Variants in TBK1 observed in about 807,000 individuals in gnomAD.
TBK1 encodes the protein serine/threonine-protein kinase TBK1.
A neutral mutation model predicts 99.9 loss-of-function variants in TBK1; 37 were observed. That is an observed-to-expected ratio of 0.37 (90% CI 0.28 to 0.49). The LOEUF (loss-of-function observed/expected upper bound fraction) is 0.49. Among genes scored for constraint, TBK1 ranks in the 20% least tolerant of loss-of-function variants. The pLI is 0.98. For missense variants in TBK1, 644 were observed against 872.5 expected, an observed-to-expected ratio of 0.74 and a Z score of 3.30; for synonymous variants, 258 against 279.8, an observed-to-expected ratio of 0.92 and a Z score of 0.78.
chr12:64,478,938 C>A (rs1211351684), intron 6 of TBK1, among the ~76,000 whole-genome samples: 1 of 152,198 alleles, frequency 6.6e-6, no homozygotes, highest in Non-Finnish European at 1.5e-5. Flanking sequence ...ACATGTGACT[C>A]ATAAGCAGCT....
At chr12:64,491,491 T>C (rs1331843641) in intron 13 of TBK1, among the ~76,000 whole-genome samples, 3 of 151,818 alleles carry the variant, frequency 2.0e-5, no homozygotes, top group Non-Finnish European at 4.4e-5. Flanking sequence ...GGCATGGTGG[T>C]GCATGCCTGT....
At chr12:64,456,203 A>T (rs1362075164) in intron 2 of TBK1, among the ~76,000 whole-genome samples, 2 of 152,176 alleles carry the variant, frequency 1.3e-5, no homozygotes, top group Admixed American at 6.5e-5. Flanking sequence ...ACTGGGAAAG[A>T]TTAGTGTTGT....
At chr12:64,483,633 G>A (rs1330935594) in intron 8 of TBK1, among the ~76,000 whole-genome samples, 1 of 152,182 alleles carries the variant, frequency 6.6e-6, no homozygotes, top group Non-Finnish European at 1.5e-5. Flanking sequence ...GTTAGTGGAA[G>A]AGCTGAGATT....
At chr12:64,482,351 C>A (rs2040776138) in intron 8 of TBK1, among the ~76,000 whole-genome samples, 1 of 152,170 alleles carries the variant, frequency 6.6e-6, no homozygotes, top group Admixed American at 6.6e-5. Context: ...GCTAAGTGTA[C>A]TATCCTGCCA....
Position 64,483,010 on chromosome 12 carries a change from G to T in TBK1, c.992+989G>T, listed in dbSNP as rs745967605. 2.2e-4 allele frequency among the ~76,000 whole-genome samples: 34 copies of T among 152,200 alleles called. 1 individual carries two copies. The highest frequency in any genetic ancestry group is 4.3e-4 in the Non-Finnish European group (29 of 68,028). On this transcript the variant is annotated intron_variant, in intron 8 of 20. Transcript: ENST00000331710. ...CCACCATTGGGGGAAGCTGGGAGAAGAATATATGGTGTCTCTCTTCATCAT... is the reference window on the plus strand; with the variant it reads ...CCACCATTGGGGGAAGCTGGGAGAATAATATATGGTGTCTCTCTTCATCAT...
chr12:64,493,390 G>T (rs1043350648), intron 13 of TBK1, among the ~76,000 whole-genome samples: 14 of 151,492 alleles, frequency 9.2e-5, no homozygotes, highest in African/African-American at 3.2e-4. Context: ...ACTTTGGGAG[G>T]CTGAGGTAGG....
intron 13 of TBK1, among the ~76,000 whole-genome samples, chr12:64,494,558 G>T (rs545772828): frequency 2.6e-5 from 4 of 151,766 alleles, no homozygotes; most frequent in South Asian, 2.1e-4. Flanking sequence ...TGTGATAAAG[G>T]GTTTTTTATA....
chr12:64,488,343 A>G, intron 11 of TBK1, 144 bp from the exon 12 acceptor site: 1 of 501,448 alleles, frequency 2.0e-6, no homozygotes, highest in South Asian at 3.0e-5. Flanking sequence ...GCTTATTATA[A>G]TAATGTTTCA....
chr12:64,481,803 T>C (rs1423950247), intron 7 of TBK1, 39 bp from the exon 8 acceptor site: 9 of 1,404,742 alleles, frequency 6.4e-6, no homozygotes, highest in Non-Finnish European at 7.6e-6. Flanking sequence ...CAGAATATGA[T>C]ATATTCACTC....
chr12:64,500,507 A>AT (rs1161585298), intron 20 of TBK1, among the ~76,000 whole-genome samples: 1 of 152,040 alleles, frequency 6.6e-6, no homozygotes, highest in Non-Finnish European at 1.5e-5. Flanking sequence ...TGTCATGGGT[A>AT]TTACAGCCAA....
chr12:64,478,351 C>T (rs576490065), intron 6 of TBK1, among the ~76,000 whole-genome samples: 1 of 152,162 alleles, frequency 6.6e-6, no homozygotes, highest in South Asian at 2.1e-4. Flanking sequence ...GGTTTCACCA[C>T]GTTGCCCAGG....
rs1592358808 is a variant in TBK1 at position 64,468,217 on chromosome 12, A to C, written c.540+1135A>C. Among the ~76,000 whole-genome samples, 6 of 152,150 alleles carry C rather than the reference A, an allele frequency of 3.9e-5. 2 individuals are homozygous for C. Among genetic ancestry groups the C allele is most frequent in the Admixed American group, 3.9e-4 (6 of 15,282 alleles). Reference sequence around the variant, plus strand: ...TTTTTTAAAAAAAGGTACCTGGCCCAGGCATGGTGGCTCATGCCTGTAATC... The same window carrying C: ...TTTTTTAAAAAAAGGTACCTGGCCCCGGCATGGTGGCTCATGCCTGTAATC... On this transcript the variant is annotated intron_variant, in intron 5 of 20. Coordinates refer to ENST00000331710, the MANE Select transcript of TBK1 (RefSeq NM_013254.4).
intron 5 of TBK1, among the ~76,000 whole-genome samples, chr12:64,472,648 G>A (rs1269970620): frequency 3.4e-5 from 1 of 29,850 alleles, no homozygotes; most frequent in African/African-American, 6.9e-5. Flanking sequence ...TCTGTTCTCA[G>A]TGACTATGGT....
intron 5 of TBK1, among the ~76,000 whole-genome samples, chr12:64,470,705 T>TA (rs796424225): frequency 2.6e-5 from 4 of 152,354 alleles, no homozygotes; most frequent in African/African-American, 9.6e-5. Context: ...AACTGTCACA[T>TA]ACACTGCAGT....
chr12:64,459,878 T>C lies in TBK1; in HGVS notation c.88-311T>C, dbSNP rs534416196. 2.0e-5 allele frequency among the ~76,000 whole-genome samples: 3 copies of C among 152,342 alleles called. No individual in the cohort carries two copies. The East Asian group carries it at 5.8e-4, about 29-fold the overall frequency. ...AAAGATGATTTTGCTTTTGATACTA[T>C]TATGGCTTTTATCTTCTGATGTGTG... On this transcript the variant is annotated intron_variant, in intron 2 of 20. Coordinates refer to ENST00000331710, the MANE Select transcript of TBK1 (RefSeq NM_013254.4).
Position 64,486,000 on chromosome 12 carries a change from G to T in TBK1, c.1323G>T (p.Lys441Asn). Reference protein sequence around the residue: ...TLLLYQELMRKGIRWLIELIK... With the variant: ...TLLLYQELMRNGIRWLIELIK... The stretch of plus-strand genomic sequence containing the variant: ...TGCTTTATCAGGAATTAATGCGAAA[G>T]GGGATACGATGGCTGATGTAAGTAA... Residue 441 changes from lysine to asparagine, a missense_variant, in exon 11 of 21, where the codon AAG (lysine) becomes AAT (asparagine). Physicochemically the swap from Lys to Asn is moderately conservative, Grantham distance 94 (BLOSUM62 0). This residue lies in a region of TBK1 where 465 missense variants were observed against 588.0 expected (regional missense o/e 0.79). Coordinates refer to ENST00000331710, the MANE Select transcript of TBK1 (RefSeq NM_013254.4). 2 of 1,589,596 alleles carry T rather than the reference G, an allele frequency of 1.3e-6. No individual in the cohort carries two copies. The highest frequency in any genetic ancestry group is 2.3e-5 in the East Asian group (1 of 42,640).
In TBK1 at chr12:64,489,825, C is replaced by T. The variant is rs115776981; in HGVS notation, c.1443-216C>T. ...TCTCCTAACTTCGTGATCTTCCCAC[C>T]TTGACCTCCCAAGGTGCTGGAATTA... On this transcript the variant is annotated intron_variant, in intron 12 of 20. Coordinates refer to ENST00000331710, the MANE Select transcript of TBK1 (RefSeq NM_013254.4). Among the ~76,000 whole-genome samples, 803 of 151,654 alleles carry T rather than the reference C, an allele frequency of 5.3e-3. 10 individuals carry two copies. Among genetic ancestry groups the T allele is most frequent in the African/African-American group, 0.018 (731 of 41,342 alleles).
chr12:64,474,427 T>A (rs1565816971), intron 6 of TBK1, 37 bp downstream of exon 6: 1 of 1,570,432 alleles, frequency 6.4e-7, no homozygotes, highest in Admixed American at 1.8e-5. Context: ...GAGAAGCATT[T>A]AAAAAATGAT....
At chr12:64,470,752 A>C (rs2040654216) in intron 5 of TBK1, among the ~76,000 whole-genome samples, 1 of 152,150 alleles carries the variant, frequency 6.6e-6, no homozygotes, top group Admixed American at 6.6e-5. Flanking sequence ...TTTTCCAATC[A>C]TGATAATCAC....
Sources: gnomAD v4.1 joint callset for allele counts (sites outside exome capture counted in the v4.1 genomes callset) on GRCh38, gnomAD v4.1.1 for gene constraint, gnomAD v4.1.1 regional missense constraint, MANE v1.5 for transcripts, NCBI Gene and HGNC (gene_info 2026-07-23, HGNC 2026-07-21) for gene names.